The following BMP1 variants were observed in gnomAD, a reference collection of about 807,000 sequenced individuals.
BMP1 encodes bone morphogenetic protein 1, also known as mammalian tolloid protein.
Under a neutral mutation model 116.8 loss-of-function variants are expected in BMP1, and 63 were observed. The observed-to-expected ratio is 0.54, with a 90% CI of 0.44 to 0.67. BMP1 has a LOEUF of 0.67. Among genes scored for constraint, BMP1 ranks in the 30% least tolerant of loss-of-function variants. BMP1 has a pLI of 0.00. For missense variants in BMP1, 1,183 were observed against 1,358.9 expected (o/e 0.87, Z 2.04); for synonymous variants, 536 against 533.4 (o/e 1.00, Z -0.07).
At chr8:22,197,126 G>A in intron 14 of BMP1, 114 bp from the exon 15 acceptor site, 8 of 1,352,368 alleles carry the variant, frequency 5.9e-6, no homozygotes, top group Non-Finnish European at 8.1e-6. Context: ...TCCAGTGAGG[G>A]GGCGTAGCTA....
At chr8:22,199,119 A>C in intron 15 of BMP1, 1 of 1,367,330 alleles carries the variant, frequency 7.3e-7, no homozygotes, top group Non-Finnish European at 9.8e-7. Context: ...CCCCACCCTC[A>C]GCCCTGCACG....
At chr8:22,206,764 A>G (rs1829364502) in intron 16 of BMP1, 90 bp from the exon 17 acceptor site, 1 of 1,552,486 alleles carries the variant, frequency 6.4e-7, no homozygotes, top group Admixed American at 1.7e-5. Context: ...GGAAGAAAGG[A>G]GGGGGGGCAG....
At chr8:22,176,823 G>A in intron 4 of BMP1, 138 bp from the exon 5 acceptor site, 7 of 973,228 alleles carry the variant, frequency 7.2e-6, no homozygotes, top group Admixed American at 2.2e-5. Flanking sequence ...CCAGCACACA[G>A]CCTGGGCACT....
Position 22,177,168 on chromosome 8 carries a change from G to A in BMP1, c.730+29G>A, listed in dbSNP as rs773310304. On this transcript the variant is annotated intron_variant, in intron 5 of 19. Coordinates refer to ENST00000306385, the MANE Select transcript of BMP1 (RefSeq NM_006129.5). ...GGTACCTGCCCCTCGGTGCGGCCTT[G>A]GTGGGCGGCTCCCGCCCCAGCCCCC... 93 of 1,557,982 alleles carry A rather than the reference G, an allele frequency of 6.0e-5. 1 individual carries two copies. The highest frequency in any genetic ancestry group is 1.6e-4 in the Admixed American group (9 of 54,946).
At position 22,195,491 on chromosome 8, in the gene BMP1, G is replaced by A. The variant is rs756176995; in HGVS notation, c.1669G>A (p.Gly557Arg). ...EVDECSRPNR[G>R]GCEQRCLNTL... is the part of the protein sequence containing the mutation. ...GGACGAGTGCTCTCGGCCCAACCGC[G>A]GGGGCTGTGAGCAGCGGTGCCTCAA... The change falls in exon 13 of 20, where the codon GGG (glycine) becomes AGG (arginine). Residue 557 changes from glycine (G) to arginine (R), a missense_variant. This residue lies in a region of BMP1 where 956 missense variants were observed against 1,135.2 expected (regional missense o/e 0.84). Coordinates refer to ENST00000306385, the MANE Select transcript of BMP1 (RefSeq NM_006129.5). 13 of 1,611,262 alleles carry A rather than the reference G, an allele frequency of 8.1e-6. No homozygotes were observed. The highest frequency in any genetic ancestry group is 1.0e-5 in the Non-Finnish European group (12 of 1,179,376).
chr8:22,187,357 A>C (rs149070084), intron 8 of BMP1, among the ~76,000 whole-genome samples: 1 of 150,852 alleles, frequency 6.6e-6, no homozygotes, highest in Non-Finnish European at 1.5e-5. Context: ...TTTGAGATGG[A>C]GTCTCGCTCT....
intron 16 of BMP1, among the ~76,000 whole-genome samples, chr8:22,204,294 G>A (rs930563761): frequency 6.6e-5 from 10 of 152,210 alleles, no homozygotes; most frequent in Admixed American, 5.9e-4. Flanking sequence ...AGGGACTTGA[G>A]AGGGCCCTGT....
rs187520032 is a variant in BMP1, at chr8:22,192,431, A to T, written c.1180+280A>T. The T allele has an allele frequency of 5.4e-5, 18 of 333,608 alleles. No homozygotes were observed. In the East Asian group the frequency reaches 1.2e-3, roughly 22 times the overall value. The allele number at this position is 333,608 out of a possible 1,614,324, so 20.7% of individuals were successfully genotyped here. ...TGTCACCCTACGGGTGCAAGGAGTC[A>T]TCAGAATTGACTGAGAGAGACAGAC... On this transcript the variant is annotated intron_variant, in intron 9 of 19. Coordinates refer to ENST00000306385, the MANE Select transcript of BMP1 (RefSeq NM_006129.5).
rs773557475 is a variant in BMP1 at position 22,211,767 on chromosome 8, C to T, written c.*39C>T. 8 of 1,613,668 alleles carry T rather than the reference C, an allele frequency of 5.0e-6. No homozygotes were observed. On this transcript the variant is annotated 3_prime_UTR_variant, in exon 20 of 20. Coordinates refer to ENST00000306385, the MANE Select transcript of BMP1 (RefSeq NM_006129.5). ...AGGGGCGGGGACTGGAGCCTGCTGC[C>T]CTTGGTCGCCTAGACTGGATAGTGG...
At chr8:22,173,044 GTATT>G (rs1828326282) in intron 1 of BMP1, among the ~76,000 whole-genome samples, 1 of 152,206 alleles carries the variant, frequency 6.6e-6, no homozygotes, top group Non-Finnish European at 1.5e-5. Flanking sequence ...CCCTAGGTCA[GTATT>G]TATTTACTTG....
At chr8:22,166,893 G>A (rs1828129377) in intron 1 of BMP1, among the ~76,000 whole-genome samples, 1 of 152,126 alleles carries the variant, frequency 6.6e-6, no homozygotes, top group Admixed American at 6.5e-5. Context: ...GACTTTGAAG[G>A]CAGGCACATC....
chr8:22,165,882 C>CGTGTGT (rs149003237), intron 1 of BMP1, among the ~76,000 whole-genome samples: 15,763 of 131,212 alleles, frequency 0.12, 1,058 homozygotes, highest in Non-Finnish European at 0.13. Context: ...CCTGTGCGTG[C>CGTGTGT]GTGTGTGTGT....
At position 22,194,242 on chromosome 8, in the gene BMP1, T is replaced by A; in HGVS notation, c.1297+68T>A. ...CTCTGGGCATGGTAAAACAACTCCC[T>A]CCTGGCACCTGAGGGGCAAGATTGT... is the stretch of plus-strand genomic sequence containing the variant. On this transcript the variant is annotated intron_variant, in intron 10 of 19. Coordinates refer to ENST00000306385, the MANE Select transcript of BMP1 (RefSeq NM_006129.5). This position sits in a 1 kb window ranked among gnomAD's most constrained non-coding sequence, Gnocchi z 4.5. 2 of 1,524,360 alleles carry A rather than the reference T, an allele frequency of 1.3e-6. No homozygotes were observed. The highest frequency in any genetic ancestry group is 1.8e-6 in the Non-Finnish European group (2 of 1,099,804). 94.4% of individuals were successfully genotyped at this position (1,524,360 alleles called of 1,614,324 possible).
chr8:22,196,507 C>G, intron 13 of BMP1, 173 bp from the exon 14 acceptor site: 4 of 911,232 alleles, frequency 4.4e-6, no homozygotes, highest in Non-Finnish European at 6.7e-6. Flanking sequence ...CCTGAGGACA[C>G]CCAGGCCACC....
chr8:22,165,485 A>C lies in BMP1; in HGVS notation c.80A>C (p.Asp27Ala). The C allele has an allele frequency of 1.9e-6, 3 of 1,591,276 alleles. No homozygotes were observed. Among genetic ancestry groups the C allele is most frequent in the Non-Finnish European group, 2.6e-6 (3 of 1,171,370 alleles). Residue 27 changes from aspartate to alanine, a missense_variant, in exon 1 of 20, where the codon GAC (aspartate) becomes GCC (alanine). Coordinates refer to ENST00000306385, the MANE Select transcript of BMP1 (RefSeq NM_006129.5). ...PRPGRPLDLA[D>A]YTYDLAEEDD... ...CCCGGCCGGCCGCTGGACTTGGCCG[A>C]CTACACCTATGACCTGGCGGAGGAG...
chr8:22,207,095 C>A, intron 17 of BMP1, 114 bp downstream of exon 17: 1 of 1,514,546 alleles, frequency 6.6e-7, no homozygotes, highest in Non-Finnish European at 8.9e-7. Context: ...CCCAGGAGAC[C>A]CCAAGTCTGG....
intron 8 of BMP1, among the ~76,000 whole-genome samples, chr8:22,188,189 T>G (rs899185376): frequency 6.6e-6 from 1 of 150,540 alleles, no homozygotes; most frequent in African/African-American, 2.5e-5. Flanking sequence ...TTTTTTTTTT[T>G]TTTTTTTTTC....
intron 3 of BMP1, 37 bp downstream of exon 3, chr8:22,176,350 C>T: frequency 1.9e-6 from 3 of 1,567,770 alleles, no homozygotes; most frequent in Non-Finnish European, 2.6e-6. Context: ...GTGTAACCAG[C>T]TTCCGGGCCT....
chr8:22,201,209 G>T (rs1206673592), intron 15 of BMP1: 2 of 1,612,130 alleles, frequency 1.2e-6, no homozygotes, highest in African/African-American at 2.7e-5. Context: ...AGTGAGGCCT[G>T]CCAGGCCTCC....
Sources: gnomAD v4.1 joint callset for allele counts (sites outside exome capture counted in the v4.1 genomes callset) on GRCh38, gnomAD v4.1.1 for gene constraint, gnomAD v4.1.1 regional missense constraint, Gnocchi (gnomAD v3.1) non-coding constraint, MANE v1.5 for transcripts, NCBI Gene and HGNC (gene_info 2026-07-23, HGNC 2026-07-21) for gene names.